Variants in CLU observed in about 807,000 individuals in gnomAD.
The protein encoded by CLU is aging-associated protein 4.
In CLU, 25 loss-of-function variants were observed where a neutral mutation model predicts 46.4. The ratio of observed to expected loss-of-function variants is 0.54; its 90% confidence interval spans 0.39 to 0.75. The LOEUF (loss-of-function observed/expected upper bound fraction) is 0.75, where lower values mean the gene tolerates loss of function less well. Among genes scored for constraint, CLU ranks in the 30% least tolerant of loss-of-function variants. CLU has a pLI of 0.00. For synonymous variants in CLU, 235 were observed against 235.1 expected (o/e 1.00, Z 0.00); for missense variants, 504 against 592.1 (o/e 0.85, Z 1.54).
rs1416832768 is a variant in CLU, at chr8:27,599,413, A to C, written c.1164+367T>G. ...ATTCATAAGCCATTTTACATGCCAGAGGGCAGCCTTGTAGCTTTGAGAAAA... is the reference window on the plus strand; with the variant it reads ...ATTCATAAGCCATTTTACATGCCAGCGGGCAGCCTTGTAGCTTTGAGAAAA... On this transcript the variant is annotated intron_variant, in intron 7 of 8. Coordinates refer to ENST00000316403, the MANE Select transcript of CLU (RefSeq NM_001831.4). This position sits in a 1 kb window ranked among gnomAD's most constrained non-coding sequence, Gnocchi z 4.0. 3.6e-6 allele frequency: 1 copy of C among 280,416 alleles called. No homozygotes were observed. Among genetic ancestry groups the C allele is most frequent in the Non-Finnish European group, 6.9e-6 (1 of 145,244 alleles). 17.4% of individuals were successfully genotyped at this position (280,416 alleles called of 1,614,324 possible).
rs780689974 is a variant in CLU at position 27,605,300 on chromosome 8, G to A, written c.453C>T (p.Tyr151=). 1.2e-5 allele frequency: 20 copies of A among 1,614,094 alleles called. No individual in the cohort carries two copies. The highest frequency in any genetic ancestry group is 1.4e-5 in the Non-Finnish European group (17 of 1,180,036). ...EEFLNQSSPF[Y]FWMNGDRIDS... ...CGATGCGGTCACCATTCATCCAGAAGTAGAAGGGCGAGCTCTGGTTCAGGA... is the reference window on the plus strand; with the variant it reads ...CGATGCGGTCACCATTCATCCAGAAATAGAAGGGCGAGCTCTGGTTCAGGA... The change falls in exon 5 of 9, where the codon TAC becomes TAT. Residue 151 remains tyrosine (Y), a synonymous_variant. Transcript: ENST00000316403.
chr8:27,611,047 G>C, intron 1 of CLU: 2 of 384,246 alleles, frequency 5.2e-6, no homozygotes, highest in South Asian at 1.9e-5. Flanking sequence ...GCATCCCAGA[G>C]ACCAGCCACG....
chr8:27,607,946 T>C (rs1224062900), intron 3 of CLU, among the ~76,000 whole-genome samples: 2 of 152,150 alleles, frequency 1.3e-5, no homozygotes, highest in Non-Finnish European at 2.9e-5. Flanking sequence ...TTTCTCCAAA[T>C]GTATGTGATG....
At chr8:27,604,580 C>T (rs1800781272) in intron 5 of CLU, among the ~76,000 whole-genome samples, 185 bp from the exon 6 acceptor site, 1 of 152,230 alleles carries the variant, frequency 6.6e-6, no homozygotes, top group Admixed American at 6.5e-5. Flanking sequence ...TCAGGTGACT[C>T]TCTTGCCTCA....
chr8:27,609,542 T>C (rs1316168093), intron 2 of CLU, among the ~76,000 whole-genome samples: 1 of 152,234 alleles, frequency 6.6e-6, no homozygotes, highest in African/African-American at 2.4e-5. Context: ...AATAAGAAGA[T>C]GAGTAAATGA....
At chr8:27,611,192 A>G (rs1392046352) in intron 1 of CLU, 1 of 454,152 alleles carries the variant, frequency 2.2e-6, no homozygotes. Flanking sequence ...CCAGCCCTTC[A>G]CACCGAATCC....
At position 27,605,150 on chromosome 8, in the gene CLU, C is replaced by T; in HGVS notation, c.603G>A (p.Gln201=). ...FQDRFFTREP[Q]DTYHYLPFSL... ...TGAAGGGCAGGTAGTGGTAGGTATC[C>T]TGGGGCTCCCGGGTGAAGAACCTGT... is the stretch of plus-strand genomic sequence containing the variant. Residue 201 remains glutamine, a synonymous_variant, in exon 5 of 9, where the codon CAG becomes CAA. Transcript: ENST00000316403. 1 of 1,614,176 alleles carries T rather than the reference C, an allele frequency of 6.2e-7. No individual in the cohort carries two copies. The highest frequency in any genetic ancestry group is 8.5e-7 in the Non-Finnish European group (1 of 1,180,026).
chr8:27,598,803 G>T (rs1003408841), intron 7 of CLU, 168 bp from the exon 8 acceptor site: 3 of 673,102 alleles, frequency 4.5e-6, no homozygotes, highest in Non-Finnish European at 7.9e-6. Flanking sequence ...CAGCTCAGTG[G>T]ACAGAACGGA....
At chr8:27,611,318 G>C (rs1364889722) in intron 1 of CLU, 1 of 455,480 alleles carries the variant, frequency 2.2e-6, no homozygotes, top group Admixed American at 2.3e-5. Context: ...GCAGTGGCCC[G>C]AGGAGCAGGC....
intron 1 of CLU, chr8:27,611,364 C>T (rs1192811759): frequency 2.2e-6 from 1 of 456,830 alleles, no homozygotes; most frequent in African/African-American, 2.0e-5. Context: ...GATGAGTCCT[C>T]TTGCTCTGCC....
At position 27,597,476 on chromosome 8, in the gene CLU, C is replaced by T; in HGVS notation, c.*765G>A. On this transcript the variant is annotated 3_prime_UTR_variant, in exon 9 of 9. Transcript: ENST00000316403. ...AAGAAGATGCCCCTGGGATGCTGAG[C>T]TCTTACAACTCGAAATCAACAGCTT... 2.2e-6 allele frequency: 1 copy of T among 454,306 alleles called. No homozygotes were observed. The highest frequency in any genetic ancestry group is 1.6e-5 in the South Asian group (1 of 64,478). 28.1% of individuals were successfully genotyped at this position (454,306 alleles called of 1,614,324 possible).
In CLU at chr8:27,597,679, G is replaced by C. The variant is rs1398064217; in HGVS notation, c.*562C>G. On this transcript the variant is annotated 3_prime_UTR_variant, in exon 9 of 9. Transcript: ENST00000316403. Reference sequence around the variant, plus strand: ...CAGTGTATTCCTTTAGGAGATTGTCGCACCTTGGTCAGAATACATCGACAG... The same window carrying C: ...CAGTGTATTCCTTTAGGAGATTGTCCCACCTTGGTCAGAATACATCGACAG... The C allele has an allele frequency of 2.2e-6, 1 of 453,942 alleles. No individual in the cohort carries two copies. Among genetic ancestry groups the C allele is most frequent in the South Asian group, 1.6e-5 (1 of 64,468 alleles). The allele number at this position is 453,942 out of a possible 1,614,324, so 28.1% of individuals were successfully genotyped here.
chr8:27,610,389 T>C, intron 2 of CLU, 86 bp downstream of exon 2: 3 of 1,092,064 alleles, frequency 2.7e-6, no homozygotes, highest in Non-Finnish European at 4.2e-6. Context: ...TGGGGCCTGA[T>C]AGAGAGGCAC....
chr8:27,597,178 A>T lies in CLU; in HGVS notation c.*1063T>A, dbSNP rs1800613797. 8.8e-6 allele frequency: 4 copies of T among 454,086 alleles called. No homozygotes were observed. Among genetic ancestry groups the T allele is most frequent in the Admixed American group, 4.7e-5 (2 of 42,550 alleles). The allele number at this position is 454,086 out of a possible 1,614,324, so 28.1% of individuals were successfully genotyped here. A position where few individuals can be genotyped will look rare whatever the true frequency, so the allele number is the denominator to read the frequency against. On this transcript the variant is annotated 3_prime_UTR_variant, in exon 9 of 9. Coordinates refer to ENST00000316403, the MANE Select transcript of CLU (RefSeq NM_001831.4). ...AGAATATTCTAAGCTATAAATTTACATGTGGACTTTGCTACACACCTGGGA... is the reference window on the plus strand; with the variant it reads ...AGAATATTCTAAGCTATAAATTTACTTGTGGACTTTGCTACACACCTGGGA...
intron 1 of CLU, chr8:27,610,875 G>C: frequency 2.3e-6 from 1 of 433,366 alleles, no homozygotes. Context: ...GGAGGAACCA[G>C]GCTCTTGTCC....
intron 8 of CLU, 103 bp downstream of exon 8, chr8:27,598,357 G>A (rs1440482988): frequency 1.3e-6 from 2 of 1,594,702 alleles, no homozygotes. Context: ...TCCGGGCGGA[G>A]TCGTTCCCAC....
At chr8:27,611,345 C>G (rs9331888) in intron 1 of CLU, 144,492 of 456,164 alleles carry the variant, frequency 0.32, 24,940 homozygotes, top group Admixed American at 0.47. Context: ...GAGAAAGTCC[C>G]TTTGGAAGGA....
intron 1 of CLU, among the ~76,000 whole-genome samples, chr8:27,612,819 G>A (rs1190584953): frequency 6.6e-6 from 1 of 151,860 alleles, no homozygotes; most frequent in South Asian, 2.1e-4. Flanking sequence ...CAAGGCCCTC[G>A]AGTCCCCAGC....
intron 6 of CLU, 107 bp from the exon 7 acceptor site, chr8:27,600,116 G>T: frequency 2.4e-6 from 2 of 848,976 alleles, no homozygotes; most frequent in Non-Finnish European, 3.9e-6. Flanking sequence ...AACAAAAGCA[G>T]TGCTTCCCTA....
Sources: gnomAD v4.1 joint callset for allele counts (sites outside exome capture counted in the v4.1 genomes callset) on GRCh38, gnomAD v4.1.1 for gene constraint, Gnocchi (gnomAD v3.1) non-coding constraint, MANE v1.5 for transcripts, NCBI Gene and HGNC (gene_info 2026-07-23, HGNC 2026-07-21) for gene names.